Variants in KNDC1 observed in about 807,000 individuals in gnomAD.
KNDC1 encodes the protein kinase non-catalytic C-lobe domain-containing protein 1.
Under a neutral mutation model 172.8 loss-of-function variants are expected in KNDC1, and 106 were observed. The ratio of observed to expected loss-of-function variants is 0.61; its 90% CI spans 0.52 to 0.72. The LOEUF (loss-of-function observed/expected upper bound fraction) is 0.72. KNDC1 is among the 30% of genes least tolerant of loss of function. KNDC1 has a pLI of 0.00. For missense variants in KNDC1, 2,325 were observed against 2,394.5 expected (o/e 0.97, Z 0.61); for synonymous variants, 1,083 against 1,062.2 (o/e 1.02, Z -0.38).
chr10:133,192,572 G>C (rs190239812), intron 9 of KNDC1, among the ~76,000 whole-genome samples: 1 of 152,068 alleles, frequency 6.6e-6, no homozygotes. Context: ...AAATGAAAAA[G>C]TTTCAGCAAA....
In KNDC1 at chr10:133,200,720, C is replaced by T. The variant is rs555954461; in HGVS notation, c.2989+260C>T. Reference sequence around the variant, plus strand: ...GCCAAAGGCCGTCCTCTTCTGGGGGCGAGCAGGAGCCCAGGACCTTGGAGG... The same window carrying T: ...GCCAAAGGCCGTCCTCTTCTGGGGGTGAGCAGGAGCCCAGGACCTTGGAGG... On this transcript the variant is annotated intron_variant, in intron 16 of 29. Transcript: ENST00000304613. Among the ~76,000 whole-genome samples the T allele has an allele frequency of 4.3e-4, 63 of 147,018 alleles. 2 individuals carry two copies. The highest frequency in any genetic ancestry group is 4.3e-3 in the Admixed American group (62 of 14,546).
At chr10:133,205,938 C>A (rs2136011021) in intron 17 of KNDC1, among the ~76,000 whole-genome samples, 1 of 152,292 alleles carries the variant, frequency 6.6e-6, no homozygotes, top group South Asian at 2.1e-4. Context: ...TGGTGGCTCA[C>A]ACCTGTAATC....
At chr10:133,193,677 G>T (rs1445834088) in intron 9 of KNDC1, among the ~76,000 whole-genome samples, 2 of 152,160 alleles carry the variant, frequency 1.3e-5, no homozygotes, top group Non-Finnish European at 2.9e-5. Flanking sequence ...CTGTCTACCA[G>T]AAACTCACTT....
rs1310814655 is a variant in KNDC1, at chr10:133,184,280, CACGCT to C, written c.625+292_625+296del. On this transcript the variant is annotated intron_variant, in intron 5 of 29. Coordinates refer to ENST00000304613, the MANE Select transcript of KNDC1 (RefSeq NM_152643.8). Reference sequence around the variant, plus strand: ...CACGTTACACACACCCATGCACACACACGCTGCACACACACCCATGCACACACTGC... The same window carrying C: ...CACGTTACACACACCCATGCACACACGCACACACACCCATGCACACACTGC... Among the ~76,000 whole-genome samples, 16 of 139,888 alleles carry C rather than the reference CACGCT, an allele frequency of 1.1e-4. No individual in the cohort carries two copies. The South Asian group carries it at 3.4e-3, about 30-fold the overall frequency. 91.8% of individuals were successfully genotyped at this position (139,888 alleles called of 152,430 possible).
chr10:133,215,958 G>A (rs577878290), intron 26 of KNDC1, among the ~76,000 whole-genome samples: 11 of 152,334 alleles, frequency 7.2e-5, no homozygotes, highest in African/African-American at 1.7e-4. Flanking sequence ...TCACGGGAGC[G>A]GACGGACCTC....
At chr10:133,222,844 CGTGTGT>C (rs57651544) in intron 29 of KNDC1, among the ~76,000 whole-genome samples, 8 of 582 alleles carry the variant, frequency 0.014, 1 homozygote, top group Admixed American at 0.026. Flanking sequence ...CTCTTCCCGG[CGTGTGT>C]GTGTGTGTGT....
In KNDC1 at chr10:133,201,580, C is replaced by T. The variant is rs142572566; in HGVS notation, c.3069C>T (p.Asp1023=). The T allele has an allele frequency of 3.1e-4, 494 of 1,612,918 alleles. No individual in the cohort carries two copies. The highest frequency in any genetic ancestry group is 3.7e-4 in the Non-Finnish European group (435 of 1,179,900). The stretch of plus-strand genomic sequence containing the variant: ...CCTCGGTGTCGGATGTGGACTCGGA[C>T]GCACTGTCACGGGGAAACTTCGAGG... ...SPTSVSDVDS[D]ALSRGNFEVG... Residue 1023 remains aspartate, a synonymous_variant, in exon 17 of 30, where the codon GAC becomes GAT. Transcript: ENST00000304613.
At chr10:133,180,777 C>T (rs1019328385) in intron 3 of KNDC1, among the ~76,000 whole-genome samples, 15 of 152,192 alleles carry the variant, frequency 9.9e-5, no homozygotes, top group Non-Finnish European at 1.0e-4. Flanking sequence ...CCTACCTCAG[C>T]GGAGAAAGCA....
intron 3 of KNDC1, among the ~76,000 whole-genome samples, chr10:133,182,101 A>G (rs1341939673): frequency 1.3e-5 from 2 of 152,102 alleles, no homozygotes; most frequent in Admixed American, 6.5e-5. Context: ...TGACCCTGAG[A>G]CAGACCCTGA....
chr10:133,212,624 C>G, intron 23 of KNDC1, 92 bp from the exon 24 acceptor site: 1 of 1,090,854 alleles, frequency 9.2e-7, no homozygotes, highest in South Asian at 1.4e-5. Context: ...TTGCACCTGG[C>G]CTGGTCCTCA....
chr10:133,207,010 C>T lies in KNDC1; in HGVS notation c.3579+57C>T, dbSNP rs574197459. On this transcript the variant is annotated intron_variant, in intron 19 of 29. Transcript: ENST00000304613. ...TGAGGCAGTAGCTTCAGACGGGCCT[C>T]CCACTGTTGGATGCTGTAAATCTGT... 6 of 1,560,456 alleles carry T rather than the reference C, an allele frequency of 3.8e-6. No homozygotes were observed. In the East Asian group the frequency reaches 1.3e-4, roughly 35 times the overall value.
At chr10:133,190,918 T>C (rs766440891) in intron 9 of KNDC1, among the ~76,000 whole-genome samples, 14 of 152,204 alleles carry the variant, frequency 9.2e-5, no homozygotes, top group Admixed American at 2.0e-4. Context: ...TGTGTTCCTG[T>C]GGGATCCCTT....
Position 133,201,877 on chromosome 10 carries a change from C to A in KNDC1, c.3366C>A (p.Ala1122=), listed in dbSNP as rs775874980. ...TGGGGCGGCAGCAGGCGGACGGGGC[C>A]CTGCCCGACGCCCAGAGCCCGGTGA... ...KDLGRQQADG[A]LPDAQSPELE... is the part of the protein sequence containing the mutation. Residue 1122 remains alanine (A), a synonymous_variant, in exon 17 of 30, where the codon GCC becomes GCA. Transcript: ENST00000304613. The A allele has an allele frequency of 9.5e-6, 14 of 1,472,050 alleles. No individual in the cohort carries two copies. In the Admixed American group the frequency reaches 3.7e-4, roughly 39 times the overall value. The allele number at this position is 1,472,050 out of a possible 1,614,324, so 91.2% of individuals were successfully genotyped here.
chr10:133,161,932 G>A (rs1012467177), intron 1 of KNDC1, among the ~76,000 whole-genome samples: 1 of 151,970 alleles, frequency 6.6e-6, no homozygotes, highest in African/African-American at 2.4e-5. Context: ...CGCCAGGCGC[G>A]AGCCCACTTG....
chr10:133,171,642 T>G (rs938235137), intron 3 of KNDC1, among the ~76,000 whole-genome samples: 1 of 152,010 alleles, frequency 6.6e-6, no homozygotes, highest in Admixed American at 6.6e-5. Flanking sequence ...TGCAATGCAC[T>G]TTTTTTTCTT....
At chr10:133,195,267 A>C (rs1241215559) in intron 9 of KNDC1, among the ~76,000 whole-genome samples, 1 of 152,142 alleles carries the variant, frequency 6.6e-6, no homozygotes, top group African/African-American at 2.4e-5. Context: ...GCACGGCACC[A>C]GTCGGGGGGC....
In KNDC1 at chr10:133,212,659, C is replaced by T. The variant is rs1356100859; in HGVS notation, c.4237-57C>T. 6.6e-6 allele frequency: 10 copies of T among 1,509,168 alleles called. No homozygotes were observed. The East Asian group carries it at 1.8e-4, about 28-fold the overall frequency. The allele number at this position is 1,509,168 out of a possible 1,614,324, so 93.5% of individuals were successfully genotyped here. On this transcript the variant is annotated intron_variant, in intron 23 of 29. Coordinates refer to ENST00000304613, the MANE Select transcript of KNDC1 (RefSeq NM_152643.8). The stretch of plus-strand genomic sequence containing the variant: ...ACCCCCCAACCCTGCCTCCCTGGAC[C>T]CCTGACCCAGAGGGGACACGGAGCT...
intron 12 of KNDC1, 79 bp from the exon 13 acceptor site, chr10:133,198,258 C>T (rs1364375182): frequency 2.1e-6 from 3 of 1,442,354 alleles, no homozygotes; most frequent in Non-Finnish European, 1.8e-6. Context: ...GGGATGAGCA[C>T]TGGGTGGGAT....
rs1845308236 is a variant in KNDC1 at position 133,209,455 on chromosome 10, G to A, written c.3795-1156G>A. ...GTGTGTGCACGTATGTGTGGTGTGG[G>A]GTATAGTGTGGCTTGTGTGCGCGTG... On this transcript the variant is annotated intron_variant, in intron 20 of 29. Coordinates refer to ENST00000304613, the MANE Select transcript of KNDC1 (RefSeq NM_152643.8). This position sits in a 1 kb window ranked among gnomAD's most constrained non-coding sequence, Gnocchi z 4.9. 1.3e-5 allele frequency among the ~76,000 whole-genome samples: 2 copies of A among 151,104 alleles called. No individual in the cohort carries two copies. Among genetic ancestry groups the A allele is most frequent in the Non-Finnish European group, 3.0e-5 (2 of 67,796 alleles).
Sources: allele counts gnomAD v4.1 joint callset (sites outside exome capture counted in the v4.1 genomes callset), GRCh38; gene constraint gnomAD v4.1.1; non-coding constraint Gnocchi (gnomAD v3.1); transcripts MANE v1.5; gene names NCBI Gene and HGNC (gene_info 2026-07-23, HGNC 2026-07-21).